Variants in LINGO2 observed in about 807,000 individuals in gnomAD.
The protein encoded by LINGO2 is leucine-rich repeat and immunoglobulin-like domain-containing nogo receptor-interacting protein 2.
A neutral mutation model predicts 30.6 loss-of-function variants in LINGO2; 14 were observed. The observed-to-expected ratio is 0.46, with a 90% confidence interval of 0.30 to 0.72. The LOEUF (loss-of-function observed/expected upper bound fraction) is 0.72. LINGO2 is among the 30% of genes least tolerant of loss of function. The pLI is 0.07. For synonymous variants in LINGO2, 317 were observed against 288.5 expected, an observed-to-expected ratio of 1.10 and a Z score of -1.00; for missense variants, 729 against 751.7, an observed-to-expected ratio of 0.97 and a Z score of 0.35.
chr9:27,950,312 G>C, exon 6 of LINGO2: 1 of 1,614,128 alleles, frequency 6.2e-7, no homozygotes, highest in Non-Finnish European at 8.5e-7. Context: ...CTCCCAAAGG[G>C]ACCAGCTTTA....
At chr9:28,743,963 C>A in the LINGO2 span, among the ~76,000 whole-genome samples, 1 of 151,382 alleles carries the variant, frequency 6.6e-6, no homozygotes, top group African/African-American at 2.4e-5. Context: ...CTTAAATATT[C>A]CCCATTTCTC....
the LINGO2 span, among the ~76,000 whole-genome samples, chr9:28,829,450 A>G: frequency 6.6e-6 from 1 of 152,210 alleles, no homozygotes; most frequent in Admixed American, 6.5e-5. Context: ...TAAGCCATTC[A>G]CAGATGGCAA....
intron 2 of LINGO2, among the ~76,000 whole-genome samples, chr9:28,381,753 T>C (rs1472021634): frequency 2.0e-5 from 3 of 152,104 alleles, no homozygotes; most frequent in African/African-American, 7.2e-5. Context: ...GGTCTTGTAC[T>C]GACACTGAAA....
At chr9:28,420,438 T>C (rs1419058124) in intron 2 of LINGO2, among the ~76,000 whole-genome samples, 1 of 152,072 alleles carries the variant, frequency 6.6e-6, no homozygotes, top group African/African-American at 2.4e-5. Flanking sequence ...TCTATGGTTA[T>C]AAAACTTTTA....
intron 1 of LINGO2, among the ~76,000 whole-genome samples, chr9:28,655,806 G>T (rs1323008119): frequency 6.6e-6 from 1 of 152,010 alleles, no homozygotes; most frequent in Non-Finnish European, 1.5e-5. Context: ...CTCCATGATT[G>T]TAAGTTTCCT....
chr9:28,952,576 C>T, the LINGO2 span, among the ~76,000 whole-genome samples: 10 of 152,136 alleles, frequency 6.6e-5, no homozygotes, highest in African/African-American at 1.2e-4. Flanking sequence ...CTAGAAACTG[C>T]GAGGACTTGC....
intron 4 of LINGO2, among the ~76,000 whole-genome samples, chr9:28,200,945 C>G (rs1820208665): frequency 6.6e-6 from 1 of 150,542 alleles, no homozygotes; most frequent in Admixed American, 6.6e-5. Flanking sequence ...AATCACCGTA[C>G]AAGACTCCTG....
At chr9:27,994,203 G>T (rs1216636668) in intron 5 of LINGO2, among the ~76,000 whole-genome samples, 1 of 151,790 alleles carries the variant, frequency 6.6e-6, no homozygotes, top group Non-Finnish European at 1.5e-5. Flanking sequence ...AAAGTAAAAA[G>T]ACTTCAGATA....
At chr9:28,979,786 A>G in the LINGO2 span, among the ~76,000 whole-genome samples, 4 of 152,174 alleles carry the variant, frequency 2.6e-5, no homozygotes, top group Non-Finnish European at 4.4e-5. Flanking sequence ...GTGCTGGACA[A>G]AATAAATGTA....
At chr9:28,006,692 GAA>G (rs1217763012) in intron 5 of LINGO2, among the ~76,000 whole-genome samples, 2 of 152,090 alleles carry the variant, frequency 1.3e-5, no homozygotes, top group African/African-American at 4.8e-5. Flanking sequence ...AAGGATAGAT[GAA>G]AACTCTTTTA....
chr9:29,187,506 T>C, the LINGO2 span, among the ~76,000 whole-genome samples: 1 of 152,222 alleles, frequency 6.6e-6, no homozygotes, highest in Non-Finnish European at 1.5e-5. Context: ...GCCTAGTTCA[T>C]AGAAATATCT....
chr9:28,577,787 A>G (rs960807758), intron 1 of LINGO2, among the ~76,000 whole-genome samples: 6 of 152,220 alleles, frequency 3.9e-5, no homozygotes, highest in African/African-American at 1.2e-4. Flanking sequence ...ATAAATGCCA[A>G]GTAGCACAAG....
At position 28,479,712 on chromosome 9, in the gene LINGO2, TC is replaced by T. The variant is rs1825861520; in HGVS notation, c.-364-3688del. On this transcript the variant is annotated intron_variant, in intron 1 of 5. Transcript: ENST00000379992. ...TCTTACTTGTCTTTTCAGCAAAATT[TC>T]CAAACAACAATGTATTTCAGGAACA... 2.6e-5 allele frequency among the ~76,000 whole-genome samples: 4 copies of T among 151,430 alleles called. No homozygotes were observed. In the South Asian group the frequency reaches 8.3e-4, roughly 31 times the overall value.
downstream of LINGO2, among the ~76,000 whole-genome samples, chr9:27,947,719 G>A (rs912346216): frequency 2.6e-5 from 4 of 152,104 alleles, no homozygotes; most frequent in South Asian, 6.2e-4. Flanking sequence ...TAAACAAATC[G>A]TTGTTTGCAT....
the LINGO2 span, among the ~76,000 whole-genome samples, chr9:29,022,484 AT>A: frequency 1.3e-5 from 2 of 152,236 alleles, no homozygotes; most frequent in Non-Finnish European, 2.9e-5. Flanking sequence ...CTGTCAGGTG[AT>A]TTTCTTCCAA....
chr9:28,098,098 A>C (rs1276506984), intron 4 of LINGO2, among the ~76,000 whole-genome samples: 1 of 152,154 alleles, frequency 6.6e-6, no homozygotes, highest in Non-Finnish European at 1.5e-5. Flanking sequence ...TGAGGTCAGG[A>C]ATTTGAGACT....
chr9:29,007,915 T>C, the LINGO2 span, among the ~76,000 whole-genome samples: 2 of 152,022 alleles, frequency 1.3e-5, no homozygotes, highest in East Asian at 3.9e-4. Context: ...AAAGCCGTAA[T>C]ATTTGTTTTT....
At chr9:28,689,999 C>T in the LINGO2 span, among the ~76,000 whole-genome samples, 1 of 152,204 alleles carries the variant, frequency 6.6e-6, no homozygotes, top group East Asian at 1.9e-4. Context: ...CATGTTCTCA[C>T]TTATAAGTGG....
At chr9:28,934,223 G>T in the LINGO2 span, among the ~76,000 whole-genome samples, 1 of 152,120 alleles carries the variant, frequency 6.6e-6, no homozygotes, top group African/African-American at 2.4e-5. Context: ...TGTTACACTG[G>T]TTTATGCTGA....
Sources: gnomAD v4.1 joint callset for allele counts (sites outside exome capture counted in the v4.1 genomes callset) on GRCh38, gnomAD v4.1.1 for gene constraint, MANE v1.5 for transcripts, NCBI Gene and HGNC (gene_info 2026-07-23, HGNC 2026-07-21) for gene names.